The following RFX3 variants were observed in gnomAD, a reference collection of about 807,000 sequenced individuals.
RFX3 encodes the protein transcription factor RFX3.
RFX3 carries 14 observed loss-of-function variants against 98.6 expected under a neutral mutation model. That is an observed-to-expected ratio of 0.14 (90% CI 0.09 to 0.22). The LOEUF is 0.22. RFX3 is among the 10% of genes least tolerant of loss of function. The pLI, the probability that RFX3 is intolerant of heterozygous loss-of-function variation, is 1.00. For synonymous variants in RFX3, 383 were observed against 328.4 expected (o/e 1.17, Z -1.80); for missense variants, 639 against 926.9 (o/e 0.69, Z 4.03).
Position 3,394,940 on chromosome 9 carries a change from T to C in RFX3, c.117+532A>G, listed in dbSNP as rs914686108. 49 of 508,234 alleles carry C rather than the reference T, an allele frequency of 9.6e-5. 1 individual carries two copies. Among genetic ancestry groups the C allele is most frequent in the Non-Finnish European group, 2.5e-5 (10 of 393,766 alleles). 31.5% of individuals were successfully genotyped at this position (508,234 alleles called of 1,614,324 possible). ...ATGAATTCACTCCCAACTTTTTAAA[T>C]AGCTTGAGTCAGATCTCCAGACCTT... On this transcript the variant is annotated intron_variant, in intron 2 of 16. Coordinates refer to ENST00000617270, the MANE Select transcript of RFX3 (RefSeq NM_001282116.2).
chr9:3,491,013 T>A (rs1460557920), intron 1 of RFX3, among the ~76,000 whole-genome samples: 1 of 152,140 alleles, frequency 6.6e-6, no homozygotes, highest in South Asian at 2.1e-4. Context: ...GTATATCTGA[T>A]AATTTAGTTA....
intron 5 of RFX3, among the ~76,000 whole-genome samples, chr9:3,297,240 T>C (rs1828104508): frequency 6.6e-6 from 1 of 152,066 alleles, no homozygotes; most frequent in African/African-American, 2.4e-5. Context: ...TGCTCTTTTA[T>C]AAAATGTCTT....
At chr9:3,467,055 C>T (rs1251181373) in intron 1 of RFX3, among the ~76,000 whole-genome samples, 2 of 138,148 alleles carry the variant, frequency 1.4e-5, no homozygotes, top group African/African-American at 5.5e-5. Context: ...TATGTATATA[C>T]ATACATATAT....
chr9:3,496,887 G>A (rs1388404650), intron 1 of RFX3, among the ~76,000 whole-genome samples: 1 of 151,974 alleles, frequency 6.6e-6, no homozygotes, highest in Non-Finnish European at 1.5e-5. Context: ...TGTGGAACTG[G>A]CATACAACTG....
chr9:3,358,161 T>A (rs777228723), intron 2 of RFX3, among the ~76,000 whole-genome samples: 6 of 152,150 alleles, frequency 3.9e-5, no homozygotes, highest in Admixed American at 1.3e-4. Flanking sequence ...AAAAATGATA[T>A]CTAATCTATC....
intron 1 of RFX3, among the ~76,000 whole-genome samples, chr9:3,465,674 T>C (rs1202338711): frequency 1.3e-5 from 2 of 152,032 alleles, no homozygotes; most frequent in Non-Finnish European, 2.9e-5. Flanking sequence ...AAATCAAAGC[T>C]ATTATTCCTA....
chr9:3,446,802 A>G (rs968643264), intron 1 of RFX3, among the ~76,000 whole-genome samples: 3 of 152,052 alleles, frequency 2.0e-5, no homozygotes, highest in Non-Finnish European at 4.4e-5. Flanking sequence ...ATTCTCTCAC[A>G]CAGACTTAAA....
At chr9:3,250,769 G>C (rs1821291629) in intron 14 of RFX3, among the ~76,000 whole-genome samples, 1 of 151,900 alleles carries the variant, frequency 6.6e-6, no homozygotes, top group African/African-American at 2.4e-5. Context: ...TTAAAAAAAT[G>C]AAGTAGACAT....
Position 3,525,951 on chromosome 9 carries a change from A to T in RFX3, c.-213T>A, listed in dbSNP as rs1341480483. ...AAGAGAGAGAGAGAGGGAGAGAGAGAGAGAGCGAGAGGGAGAGGGAGACAC... is the reference window on the plus strand; with the variant it reads ...AAGAGAGAGAGAGAGGGAGAGAGAGTGAGAGCGAGAGGGAGAGGGAGACAC... On this transcript the variant is annotated 5_prime_UTR_variant, in exon 1 of 17. Coordinates refer to ENST00000617270, the MANE Select transcript of RFX3 (RefSeq NM_001282116.2). 1.5e-5 allele frequency: 10 copies of T among 663,028 alleles called. No homozygotes were observed. The highest frequency in any genetic ancestry group is 1.8e-5 in the Non-Finnish European group (10 of 546,112). 41.1% of individuals were successfully genotyped at this position (663,028 alleles called of 1,614,324 possible).
rs1422581757 is a variant in RFX3, at chr9:3,462,142, C to CT, written c.-9+63604dup. On this transcript the variant is annotated intron_variant, in intron 1 of 16. Coordinates refer to ENST00000617270, the MANE Select transcript of RFX3 (RefSeq NM_001282116.2). ...ACAAGCATACTACAAGAAAATTTAA[C>CT]TACAGGCCAATATCCCTTAGGAAGA... Among the ~76,000 whole-genome samples the CT allele has an allele frequency of 7.6e-4, 115 of 152,114 alleles. 1 individual carries two copies. The highest frequency in any genetic ancestry group is 7.5e-3 in the Admixed American group (115 of 15,290).
intron 1 of RFX3, among the ~76,000 whole-genome samples, chr9:3,441,120 T>C (rs527774644): frequency 1.3e-5 from 2 of 152,306 alleles, no homozygotes; most frequent in East Asian, 3.9e-4. Context: ...TGAAGCTGCT[T>C]TATATGTATA....
intron 1 of RFX3, among the ~76,000 whole-genome samples, chr9:3,505,222 TTATATATGAATATATATTTA>T (rs1281423056): frequency 3.6e-5 from 2 of 55,576 alleles, no homozygotes; most frequent in Admixed American, 3.2e-4. Flanking sequence ...GAATATATAT[TTATATATGAATATATATTTA>T]TATATATATG....
At chr9:3,454,579 T>C (rs1846979801) in intron 1 of RFX3, among the ~76,000 whole-genome samples, 1 of 152,134 alleles carries the variant, frequency 6.6e-6, no homozygotes. Context: ...TGTTAGTAAA[T>C]GCTCCAAAGC....
intron 1 of RFX3, among the ~76,000 whole-genome samples, chr9:3,397,118 C>T (rs1345186350): frequency 6.6e-6 from 1 of 152,216 alleles, no homozygotes; most frequent in Non-Finnish European, 1.5e-5. Flanking sequence ...TTCTCTCATT[C>T]ACAATTAAAC....
At chr9:3,256,908 T>G in intron 14 of RFX3, 83 bp downstream of exon 14, 6 of 1,276,038 alleles carry the variant, frequency 4.7e-6, no homozygotes, top group Non-Finnish European at 5.6e-6. Context: ...TCTTTTCTTT[T>G]GTCACAGAAG....
intron 1 of RFX3, among the ~76,000 whole-genome samples, chr9:3,411,901 C>T (rs1842497386): frequency 6.6e-6 from 1 of 152,104 alleles, no homozygotes; most frequent in East Asian, 1.9e-4. Context: ...CATATATAAG[C>T]TGAGTCAGGA....
intron 3 of RFX3, among the ~76,000 whole-genome samples, chr9:3,337,898 A>T (rs1281390231): frequency 6.6e-6 from 1 of 152,228 alleles, no homozygotes; most frequent in Non-Finnish European, 1.5e-5. Context: ...AATACCCTGC[A>T]AAGAAGTAGC....
chr9:3,327,535 A>G (rs1029082963), intron 4 of RFX3, among the ~76,000 whole-genome samples: 1 of 151,994 alleles, frequency 6.6e-6, no homozygotes, highest in Admixed American at 6.6e-5. Context: ...TCACTTTGTG[A>G]TTTTTCCATA....
intron 2 of RFX3, among the ~76,000 whole-genome samples, chr9:3,359,451 A>G (rs1027660721): frequency 6.6e-6 from 1 of 152,114 alleles, no homozygotes; most frequent in Non-Finnish European, 1.5e-5. Context: ...CTTCTACCCA[A>G]AGTAAAGTCA....
Sources: gnomAD v4.1 joint callset for allele counts (sites outside exome capture counted in the v4.1 genomes callset) on GRCh38, gnomAD v4.1.1 for gene constraint, MANE v1.5 for transcripts, NCBI Gene and HGNC (gene_info 2026-07-23, HGNC 2026-07-21) for gene names.